Variants in VPS13B observed in about 807,000 individuals in gnomAD.
The protein encoded by VPS13B is intermembrane lipid transfer protein VPS13B.
In VPS13B, 285 loss-of-function variants were observed where a neutral mutation model predicts 426.4. That is an observed-to-expected ratio of 0.67 (90% CI 0.61 to 0.74). The LOEUF (loss-of-function observed/expected upper bound fraction) is 0.74. Ranked by LOEUF, VPS13B falls within the 30% of genes least tolerant of loss-of-function variation. The pLI is 0.00. For synonymous variants in VPS13B, 1,676 were observed against 1,676.4 expected (o/e 1.00, Z 0.01); for missense variants, 4,537 against 4,782.6 (o/e 0.95, Z 1.51).
At chr8:99,421,396 A>G (rs1220597872) in intron 21 of VPS13B, among the ~76,000 whole-genome samples, 1 of 152,216 alleles carries the variant, frequency 6.6e-6, no homozygotes, top group Non-Finnish European at 1.5e-5. Context: ...ACTATTTATT[A>G]TCCATGATCC....
intron 17 of VPS13B, among the ~76,000 whole-genome samples, chr8:99,207,708 T>C (rs1472383862): frequency 6.6e-6 from 1 of 152,226 alleles, no homozygotes; most frequent in Non-Finnish European, 1.5e-5. Context: ...GTTAGATTTC[T>C]GCAGAAAAGA....
chr8:99,174,198 T>C (rs551418535), intron 16 of VPS13B, among the ~76,000 whole-genome samples: 1 of 152,358 alleles, frequency 6.6e-6, no homozygotes, highest in South Asian at 2.1e-4. Flanking sequence ...ATTCATTTTA[T>C]GTATATGCCA....
At chr8:99,504,905 T>A (rs1588445007) in intron 27 of VPS13B, among the ~76,000 whole-genome samples, 2 of 152,222 alleles carry the variant, frequency 1.3e-5, no homozygotes, top group Admixed American at 1.3e-4. Context: ...TTGTCTACAC[T>A]GAAAATCTAT....
intron 21 of VPS13B, among the ~76,000 whole-genome samples, chr8:99,416,644 C>T (rs1816024930): frequency 6.6e-6 from 1 of 152,118 alleles, no homozygotes; most frequent in Admixed American, 6.6e-5. Flanking sequence ...TGGCACAGTC[C>T]CTCATGGCTT....
chr8:99,532,612 C>CAACAGTG (rs1174048751), intron 30 of VPS13B, among the ~76,000 whole-genome samples: 1 of 151,908 alleles, frequency 6.6e-6, no homozygotes, highest in Non-Finnish European at 1.5e-5. Context: ...GCAACTTTTG[C>CAACAGTG]AACAGTGTTT....
intron 35 of VPS13B, among the ~76,000 whole-genome samples, chr8:99,689,547 G>A (rs1002149249): frequency 6.6e-6 from 1 of 152,200 alleles, no homozygotes; most frequent in African/African-American, 2.4e-5. Flanking sequence ...GCTTGGCACA[G>A]TGGTGCACAC....
intron 31 of VPS13B, among the ~76,000 whole-genome samples, chr8:99,569,307 T>C (rs1825353309): frequency 6.6e-6 from 1 of 151,986 alleles, no homozygotes; most frequent in Non-Finnish European, 1.5e-5. Flanking sequence ...CACACACTTA[T>C]AGCCCTAACT....
chr8:99,749,035 AT>A (rs780533818), intron 39 of VPS13B, among the ~76,000 whole-genome samples: 4 of 152,084 alleles, frequency 2.6e-5, no homozygotes, highest in African/African-American at 7.2e-5. Context: ...ACATGAGTAT[AT>A]TCATGTTTAT....
intron 23 of VPS13B, among the ~76,000 whole-genome samples, chr8:99,444,529 A>T (rs1040839523): frequency 7.2e-5 from 11 of 152,134 alleles, no homozygotes; most frequent in African/African-American, 2.7e-4. Flanking sequence ...ACTGGTGTTT[A>T]TTTTTACTAT....
At chr8:99,461,798 T>C (rs923719473) in intron 23 of VPS13B, among the ~76,000 whole-genome samples, 3 of 152,158 alleles carry the variant, frequency 2.0e-5, no homozygotes, top group South Asian at 2.1e-4. Context: ...CACCATCAGC[T>C]AGTGTCCCAT....
intron 19 of VPS13B, among the ~76,000 whole-genome samples, chr8:99,335,410 G>T (rs958392752): frequency 6.6e-6 from 1 of 152,092 alleles, no homozygotes; most frequent in Non-Finnish European, 1.5e-5. Flanking sequence ...TTTTGAATGT[G>T]TTTGCTTTTG....
intron 2 of VPS13B, among the ~76,000 whole-genome samples, chr8:99,034,417 T>G (rs1391065842): frequency 6.6e-6 from 1 of 151,476 alleles, no homozygotes; most frequent in African/African-American, 2.4e-5. Flanking sequence ...TAAGTCTGTT[T>G]TTTTTTTTTT....
chr8:99,028,701 G>A lies in VPS13B; in HGVS notation c.148-9722G>A, dbSNP rs1183554236. Among the ~76,000 whole-genome samples, 26 of 139,894 alleles carry A rather than the reference G, an allele frequency of 1.9e-4. 1 individual carries two copies. The highest frequency in any genetic ancestry group is 6.2e-4 in the African/African-American group (23 of 37,240). 91.8% of individuals were successfully genotyped at this position (139,894 alleles called of 152,430 possible). A position where few individuals can be genotyped will look rare whatever the true frequency, so the allele number is the denominator to read the frequency against. On this transcript the variant is annotated intron_variant, in intron 2 of 61. Transcript: ENST00000357162. ...CCCCCACCTCCCTCCCGGACGGGGC[G>A]GCTGGCCGGGTGGGGGGCTGACCCC...
intron 7 of VPS13B, among the ~76,000 whole-genome samples, chr8:99,118,491 A>C (rs1458207064): frequency 1.3e-5 from 2 of 152,192 alleles, no homozygotes; most frequent in Non-Finnish European, 2.9e-5. Context: ...ATCAAGATAT[A>C]GGTCATTAAC....
At chr8:99,445,873 G>A (rs1397649301) in intron 23 of VPS13B, among the ~76,000 whole-genome samples, 1 of 152,044 alleles carries the variant, frequency 6.6e-6, no homozygotes, top group African/African-American at 2.4e-5. Flanking sequence ...ATAGAATAAG[G>A]CAGAGGTTGG....
chr8:99,147,067 A>G (rs1005533941), intron 13 of VPS13B, among the ~76,000 whole-genome samples: 4 of 151,958 alleles, frequency 2.6e-5, no homozygotes, highest in African/African-American at 9.7e-5. Context: ...TGTAATTTTA[A>G]TCAGGAGGAA....
chr8:99,185,772 A>ATCTT (rs1813189704), intron 16 of VPS13B, among the ~76,000 whole-genome samples: 1 of 152,190 alleles, frequency 6.6e-6, no homozygotes, highest in Non-Finnish European at 1.5e-5. Context: ...GAGTAGTAAG[A>ATCTT]ACCACACTTC....
intron 44 of VPS13B, among the ~76,000 whole-genome samples, chr8:99,812,579 A>T (rs1349167452): frequency 6.6e-6 from 1 of 152,032 alleles, no homozygotes; most frequent in Non-Finnish European, 1.5e-5. Context: ...CATTTCTTAT[A>T]CCCCTCTCAT....
chr8:99,371,977 A>C (rs886637325), intron 19 of VPS13B, among the ~76,000 whole-genome samples: 2 of 152,214 alleles, frequency 1.3e-5, no homozygotes, highest in African/African-American at 4.8e-5. Context: ...TCATGACTAA[A>C]ACACCAAAAG....
Sources: allele counts gnomAD v4.1 joint callset (sites outside exome capture counted in the v4.1 genomes callset), GRCh38; gene constraint gnomAD v4.1.1; transcripts MANE v1.5; gene names NCBI Gene and HGNC (gene_info 2026-07-23, HGNC 2026-07-21).